ANK1: variants seen among roughly 807,000 people sequenced by gnomAD.
ANK1 encodes ankyrin-1.
A neutral mutation model predicts 210.4 loss-of-function variants in ANK1; 51 were observed. That is an observed-to-expected ratio of 0.24 (90% CI 0.19 to 0.31). ANK1 has a LOEUF of 0.31. Among genes scored for constraint, ANK1 ranks in the 10% least tolerant of loss-of-function variants. The pLI, the probability that ANK1 is intolerant of heterozygous loss-of-function variation, is 1.00. For synonymous variants in ANK1, 967 were observed against 1,025.9 expected (o/e 0.94, Z 1.10); for missense variants, 2,051 against 2,504.4 (o/e 0.82, Z 3.86).
intron 1 of ANK1, among the ~76,000 whole-genome samples, chr8:41,857,834 G>A (rs1348282181): frequency 1.3e-5 from 2 of 152,120 alleles, no homozygotes; most frequent in Admixed American, 6.5e-5. Context: ...AACCCGCAAG[G>A]TGGAGGTTGC....
At chr8:41,711,433 T>C (rs1246209327) in intron 16 of ANK1, among the ~76,000 whole-genome samples, 1 of 152,178 alleles carries the variant, frequency 6.6e-6, no homozygotes, top group Admixed American at 6.5e-5. Context: ...GCATTCATGT[T>C]AAAAGAGATC....
chr8:41,666,393 G>A (rs1188808813), intron 39 of ANK1, among the ~76,000 whole-genome samples: 1 of 152,188 alleles, frequency 6.6e-6, no homozygotes, highest in African/African-American at 2.4e-5. Flanking sequence ...GTAAACGGAG[G>A]AGTCACATTC....
At chr8:41,701,525 C>A in intron 22 of ANK1, 25 bp downstream of exon 22, 1 of 1,613,098 alleles carries the variant, frequency 6.2e-7, no homozygotes, top group Non-Finnish European at 8.5e-7. Flanking sequence ...TCCCCACCAG[C>A]CTGAGCTCTT....
In ANK1 at chr8:41,701,264, C is replaced by T. The variant is rs117159136; in HGVS notation, c.2461+286G>A. 1.4e-3 allele frequency among the ~76,000 whole-genome samples: 206 copies of T among 152,314 alleles called. 3 individuals carry two copies. In the East Asian group the frequency reaches 0.038, roughly 28 times the overall value. The stretch of plus-strand genomic sequence containing the variant: ...CGGAGACTTGATCTCAGTAGAACCA[C>T]GCTCCGATTTCATACACATCCATAA... On this transcript the variant is annotated intron_variant, in intron 22 of 42. Transcript: ENST00000289734.
At chr8:41,716,528 CA>C (rs1318499648) in intron 13 of ANK1, among the ~76,000 whole-genome samples, 1 of 152,142 alleles carries the variant, frequency 6.6e-6, no homozygotes, top group Admixed American at 6.5e-5. Flanking sequence ...GAGCAACTGG[CA>C]AACTCCACAG....
chr8:41,829,227 C>T (rs896888860), intron 1 of ANK1: 6 of 152,190 alleles, frequency 3.9e-5, no homozygotes, highest in Admixed American at 3.9e-4. Flanking sequence ...TCAAAGGAAA[C>T]CTTCAATTTT....
In ANK1 at chr8:41,684,633, A is replaced by C. The variant is rs141408004; in HGVS notation, c.4448T>G (p.Leu1483Arg). The change falls in exon 37 of 43, where the codon CTG becomes CGG. Residue 1483 changes from leucine (L) to arginine (R), a missense_variant. Transcript: ENST00000289734. Reference sequence around the variant, plus strand: ...GCGGCTCTGTCGGCCGGAACCCTCCAGCATGTTCACGATCTCGCCACGGTC... The same window carrying C: ...GCGGCTCTGTCGGCCGGAACCCTCCCGCATGTTCACGATCTCGCCACGGTC... ...SIDRGEIVNMLEGSGRQSRNL... is the reference protein window; with the variant it reads ...SIDRGEIVNMREGSGRQSRNL... The C allele has an allele frequency of 4.4e-4, 707 of 1,613,902 alleles. 2 individuals carry two copies. The highest frequency in any genetic ancestry group is 2.0e-3 in the Admixed American group (119 of 60,020).
At chr8:41,683,348 C>G (rs1816712066) in intron 37 of ANK1, among the ~76,000 whole-genome samples, 1 of 152,184 alleles carries the variant, frequency 6.6e-6, no homozygotes, top group African/African-American at 2.4e-5. Flanking sequence ...TCCCAGGATG[C>G]AAGATGGCAC....
intron 16 of ANK1, 98 bp from the exon 17 acceptor site, chr8:41,709,073 G>T (rs909303064): frequency 7.1e-7 from 1 of 1,404,160 alleles, no homozygotes; most frequent in Non-Finnish European, 9.9e-7. Context: ...TGGCCGGCTG[G>T]ACACCCAGTG....
chr8:41,867,790 C>T (rs1035499868), intron 1 of ANK1, among the ~76,000 whole-genome samples: 3 of 152,206 alleles, frequency 2.0e-5, no homozygotes, highest in African/African-American at 7.2e-5. Flanking sequence ...CAATACCTAG[C>T]ACAGCACAAG....
chr8:41,889,491 T>C (rs749431561), intron 1 of ANK1, among the ~76,000 whole-genome samples: 4 of 152,186 alleles, frequency 2.6e-5, no homozygotes, highest in Non-Finnish European at 4.4e-5. Flanking sequence ...CACAGGGAAA[T>C]CTTTGAGAAG....
chr8:41,794,933 T>G (rs896289306), intron 1 of ANK1, among the ~76,000 whole-genome samples: 1 of 152,104 alleles, frequency 6.6e-6, no homozygotes, highest in Non-Finnish European at 1.5e-5. Flanking sequence ...CTCGAACTCC[T>G]GACCTCATGA....
At chr8:41,658,165 C>G (rs11785586) in intron 42 of ANK1, among the ~76,000 whole-genome samples, 2 of 152,164 alleles carry the variant, frequency 1.3e-5, no homozygotes, top group Non-Finnish European at 2.9e-5. Flanking sequence ...TCACTATGCC[C>G]GGCCCTAGAC....
At chr8:41,874,812 C>A (rs1277039265) in intron 1 of ANK1, among the ~76,000 whole-genome samples, 1 of 152,216 alleles carries the variant, frequency 6.6e-6, no homozygotes, top group Non-Finnish European at 1.5e-5. Context: ...TTCTTTGACT[C>A]TCAGTGAGTT....
chr8:41,874,531 C>T (rs1482934008), intron 1 of ANK1, among the ~76,000 whole-genome samples: 2 of 152,212 alleles, frequency 1.3e-5, no homozygotes, highest in African/African-American at 4.8e-5. Context: ...GACAGGTAAG[C>T]ATCCACTTCT....
At chr8:41,715,219 G>A (rs776670759) in intron 14 of ANK1, 145 bp from the exon 15 acceptor site, 24 of 743,306 alleles carry the variant, frequency 3.2e-5, no homozygotes, top group Non-Finnish European at 5.2e-5. Flanking sequence ...CCCTCTGGGA[G>A]GCCGAAGACC....
intron 1 of ANK1, among the ~76,000 whole-genome samples, chr8:41,844,141 G>C (rs1354347442): frequency 6.6e-6 from 1 of 152,178 alleles, no homozygotes; most frequent in Non-Finnish European, 1.5e-5. Flanking sequence ...CCAAAGTGTT[G>C]GGATTACAAG....
At chr8:41,823,021 T>G (rs1428037138) in intron 1 of ANK1, among the ~76,000 whole-genome samples, 1 of 152,226 alleles carries the variant, frequency 6.6e-6, no homozygotes, top group East Asian at 1.9e-4. Context: ...GACAGGCTGC[T>G]CTGAGCATGA....
At chr8:41,687,791 T>C (rs1198654378) in intron 35 of ANK1, among the ~76,000 whole-genome samples, 1 of 152,096 alleles carries the variant, frequency 6.6e-6, no homozygotes, top group Non-Finnish European at 1.5e-5. Flanking sequence ...CCCACCTGTC[T>C]CCCTTAAAAT....
Sources: allele counts gnomAD v4.1 joint callset (sites outside exome capture counted in the v4.1 genomes callset), GRCh38; gene constraint gnomAD v4.1.1; transcripts MANE v1.5; gene names NCBI Gene and HGNC (gene_info 2026-07-23, HGNC 2026-07-21).